Variants in TMEM178A observed in about 807,000 individuals in gnomAD.
TMEM178A encodes transmembrane protein 178A, also known as transmembrane protein 178.
In TMEM178A, 12 loss-of-function variants were observed where a neutral mutation model predicts 29.1. That is an observed-to-expected ratio of 0.41 (90% confidence interval 0.26 to 0.67). TMEM178A has a LOEUF of 0.67. Among genes scored for constraint, TMEM178A ranks in the 30% least tolerant of loss-of-function variants. TMEM178A has a pLI of 0.29. For missense variants in TMEM178A, 366 were observed against 419.1 expected (o/e 0.87, Z 1.11); for synonymous variants, 210 against 187.2 (o/e 1.12, Z -0.99).
intron 1 of TMEM178A, among the ~76,000 whole-genome samples, chr2:39,679,920 G>A (rs539359178): frequency 1.3e-4 from 20 of 152,176 alleles, no homozygotes; most frequent in African/African-American, 4.1e-4. Context: ...GGAGATTCCT[G>A]TATGCTGAAA....
Position 39,707,146 on chromosome 2 carries a change from C to G in TMEM178A, c.612C>G (p.Ser204Arg). The change falls in exon 3 of 4, where the codon AGC (serine) becomes AGG (arginine). Residue 204 changes from serine to arginine, a missense_variant. Coordinates refer to ENST00000281961, the MANE Select transcript of TMEM178A (RefSeq NM_152390.3). ...VATVSFFWEE[S>R]LTQHVAGLLF... is the part of the protein sequence containing the mutation. ...CAGTCAGTTTCTTCTGGGAGGAGAG[C>G]TTGACCCAGCACGTGGCTGGACTCC... 6.2e-7 allele frequency: 1 copy of G among 1,614,146 alleles called. No homozygotes were observed. Among genetic ancestry groups the G allele is most frequent in the Non-Finnish European group, 8.5e-7 (1 of 1,180,008 alleles).
intron 1 of TMEM178A, among the ~76,000 whole-genome samples, chr2:39,666,752 G>C (rs191834216): frequency 6.6e-6 from 1 of 152,208 alleles, no homozygotes; most frequent in Non-Finnish European, 1.5e-5. Flanking sequence ...CTCCCCGTGA[G>C]GGGGACTAAC....
chr2:39,720,369 C>T (rs1015599988), downstream of TMEM178A, among the ~76,000 whole-genome samples: 1 of 152,158 alleles, frequency 6.6e-6, no homozygotes, highest in African/African-American at 2.4e-5. Context: ...TCAAAATATA[C>T]CACCTGATGG....
chr2:39,677,895 C>T (rs1670695889), intron 1 of TMEM178A, among the ~76,000 whole-genome samples: 1 of 151,976 alleles, frequency 6.6e-6, no homozygotes, highest in South Asian at 2.1e-4. Flanking sequence ...TGGTGTAAAG[C>T]CACAAGGTAT....
intron 3 of TMEM178A, among the ~76,000 whole-genome samples, chr2:39,711,437 C>T (rs990594921): frequency 7.2e-5 from 11 of 152,154 alleles, no homozygotes; most frequent in African/African-American, 2.4e-4. Flanking sequence ...GCTTGGGCCT[C>T]CCTTGGTGGG....
intron 1 of TMEM178A, among the ~76,000 whole-genome samples, chr2:39,672,890 G>A (rs760919088): frequency 5.3e-5 from 8 of 152,128 alleles, no homozygotes; most frequent in Middle Eastern, 3.2e-3. Context: ...TTGGAGGAGC[G>A]TCTGGACATT....
the TMEM178A span, among the ~76,000 whole-genome samples, chr2:39,730,268 A>C: frequency 6.6e-6 from 1 of 152,144 alleles, no homozygotes; most frequent in Non-Finnish European, 1.5e-5. Context: ...GGGTGCTCAG[A>C]GTGGATTAAA....
the TMEM178A span, among the ~76,000 whole-genome samples, chr2:39,735,329 C>T: frequency 4.4e-4 from 67 of 152,216 alleles, no homozygotes; most frequent in African/African-American, 1.5e-3. Flanking sequence ...CAAAAATTGC[C>T]GCTGGCTGAG....
chr2:39,719,785 C>T (rs189351286), downstream of TMEM178A, among the ~76,000 whole-genome samples: 4 of 152,232 alleles, frequency 2.6e-5, no homozygotes, highest in Admixed American at 6.5e-5. Context: ...GTTGTCCATT[C>T]TCGGGGAAGC....
At chr2:39,679,361 A>G (rs949283964) in intron 1 of TMEM178A, among the ~76,000 whole-genome samples, 6 of 151,208 alleles carry the variant, frequency 4.0e-5, no homozygotes, top group Non-Finnish European at 5.9e-5. Context: ...CTAAGACACT[A>G]ATTATTAATC....
At chr2:39,699,358 A>G (rs1671684121) in intron 1 of TMEM178A, among the ~76,000 whole-genome samples, 1 of 151,940 alleles carries the variant, frequency 6.6e-6, no homozygotes, top group South Asian at 2.1e-4. Context: ...TCTTTATTTT[A>G]TGTATTTCCA....
Position 39,668,887 on chromosome 2 carries a change from C to G in TMEM178A, c.400+2513C>G, listed in dbSNP as rs1670288808. On this transcript the variant is annotated intron_variant, in intron 1 of 3. Coordinates refer to ENST00000281961, the MANE Select transcript of TMEM178A (RefSeq NM_152390.3). The stretch of plus-strand genomic sequence containing the variant: ...GAAAATGTCACCAACATTTTCCTGG[C>G]TCAAAGATGATTTTGGCACCCATAT... Among the ~76,000 whole-genome samples, 3 of 152,146 alleles carry G rather than the reference C, an allele frequency of 2.0e-5. 1 individual carries two copies. Among genetic ancestry groups the G allele is most frequent in the Admixed American group, 2.0e-4 (3 of 15,286 alleles).
intron 1 of TMEM178A, among the ~76,000 whole-genome samples, chr2:39,686,963 ATGTGTGTGTGTGTG>A (rs4015737): frequency 0.016 from 1,873 of 120,276 alleles, 16 homozygotes; most frequent in African/African-American, 0.022. Flanking sequence ...GCACATATGC[ATGTGTGTGTGTGTG>A]TGTGTGTGTG....
intron 1 of TMEM178A, among the ~76,000 whole-genome samples, chr2:39,683,708 A>T (rs531986095): frequency 3.8e-4 from 58 of 152,336 alleles, no homozygotes; most frequent in Admixed American, 2.0e-3. Flanking sequence ...GTATGCCACA[A>T]TCGTGTACCA....
At position 39,666,387 on chromosome 2, in the gene TMEM178A, C is replaced by A; in HGVS notation, c.400+13C>A. Reference sequence around the variant, plus strand: ...CTCATCCTGAAAGGTGAGCGGCGGGCGCACCCCGCGTCCCCGGCGCCCGCG... The same window carrying A: ...CTCATCCTGAAAGGTGAGCGGCGGGAGCACCCCGCGTCCCCGGCGCCCGCG... On this transcript the variant is annotated intron_variant, in intron 1 of 3. Coordinates refer to ENST00000281961, the MANE Select transcript of TMEM178A (RefSeq NM_152390.3). 2 of 1,343,972 alleles carry A rather than the reference C, an allele frequency of 1.5e-6. No individual in the cohort carries two copies. Among genetic ancestry groups the A allele is most frequent in the Non-Finnish European group, 1.9e-6 (2 of 1,043,446 alleles). The allele number at this position is 1,343,972 out of a possible 1,614,324, so 83.3% of individuals were successfully genotyped here.
chr2:39,730,372 T>C, the TMEM178A span, among the ~76,000 whole-genome samples: 17 of 152,078 alleles, frequency 1.1e-4, no homozygotes, highest in Admixed American at 3.9e-4. Flanking sequence ...AACTGGTGGT[T>C]TTCCCCTTGC....
chr2:39,722,312 T>C (rs892771676), downstream of TMEM178A, among the ~76,000 whole-genome samples: 5 of 152,052 alleles, frequency 3.3e-5, no homozygotes, highest in Non-Finnish European at 2.9e-5. Context: ...AAAAAGGAGA[T>C]ACAATAATTT....
At position 39,707,029 on chromosome 2, in the gene TMEM178A, TG is replaced by T. The variant is rs746989123; in HGVS notation, c.515-19del. On this transcript the variant is annotated intron_variant, in intron 2 of 3. Coordinates refer to ENST00000281961, the MANE Select transcript of TMEM178A (RefSeq NM_152390.3). ...TTCCTGAATTCTGATTGTGAATGTC[TG>T]TGTCTGTTTTGAGATTAGATTTAAG... is the stretch of plus-strand genomic sequence containing the variant. The T allele has an allele frequency of 6.3e-7, 1 of 1,589,250 alleles. No homozygotes were observed. The highest frequency in any genetic ancestry group is 1.8e-5 in the Admixed American group (1 of 55,226).
chr2:39,674,911 A>G (rs1670553307), intron 1 of TMEM178A, among the ~76,000 whole-genome samples: 3 of 152,268 alleles, frequency 2.0e-5, no homozygotes, highest in South Asian at 4.1e-4. Flanking sequence ...TAAAAAATTC[A>G]TAGAGTTGAA....
Sources: allele counts gnomAD v4.1 joint callset (sites outside exome capture counted in the v4.1 genomes callset), GRCh38; gene constraint gnomAD v4.1.1; transcripts MANE v1.5; gene names NCBI Gene and HGNC (gene_info 2026-07-23, HGNC 2026-07-21).